The following PLA2G2F variants were observed in gnomAD, a reference collection of about 807,000 sequenced individuals.
PLA2G2F encodes phospholipase A2 group IIF, also known as group IIF secretory phospholipase A2.
In PLA2G2F, 17 loss-of-function variants were observed where a neutral mutation model predicts 15.9. The ratio of observed to expected loss-of-function variants is 1.07; its 90% CI spans 0.73 to 1.60. The LOEUF (loss-of-function observed/expected upper bound fraction) is 1.60. Ranked by LOEUF, PLA2G2F falls within the 40% of genes most tolerant of loss-of-function variation. PLA2G2F has a pLI of 0.00. For synonymous variants in PLA2G2F, 119 were observed against 106.5 expected, an observed-to-expected ratio of 1.12 and a Z score of -0.72; for missense variants, 299 against 278.2, an observed-to-expected ratio of 1.07 and a Z score of -0.53.
At chr1:20,144,481 T>C (rs1467290104) in intron 3 of PLA2G2F, 99 bp from the exon 4 acceptor site, 4 of 869,446 alleles carry the variant, frequency 4.6e-6, no homozygotes, top group East Asian at 2.7e-5. Flanking sequence ...GTTCGAACGT[T>C]TGACCTGCGA....
Position 20,148,183 on chromosome 1 carries a change from C to T in PLA2G2F, c.425-7C>T. On this transcript the variant is annotated splice_polypyrimidine_tract_variant and splice_region_variant and intron_variant, in intron 4 of 4. Transcript: ENST00000375102. ...TCCACAGCCTTTGCCACCCCATCCCCCTGTAGGTGACCTCAACAAGACAGA... is the reference window on the plus strand; with the variant it reads ...TCCACAGCCTTTGCCACCCCATCCCTCTGTAGGTGACCTCAACAAGACAGA... The T allele has an allele frequency of 6.2e-7, 1 of 1,613,580 alleles. No individual in the cohort carries two copies. The highest frequency in any genetic ancestry group is 8.5e-7 in the Non-Finnish European group (1 of 1,179,560).
rs528792094 is a variant in PLA2G2F at position 20,148,897 on chromosome 1, G to A, written c.*496G>A. 671 of 166,816 alleles carry A rather than the reference G, an allele frequency of 4.0e-3. 4 individuals carry two copies. The highest frequency in any genetic ancestry group is 5.9e-3 in the Non-Finnish European group (452 of 76,170). The allele number at this position is 166,816 out of a possible 1,614,324, so 10.3% of individuals were successfully genotyped here. A position where few individuals can be genotyped will look rare whatever the true frequency, so the allele number is the denominator to read the frequency against. ...CAGCTGATCCCACAGGATGGCCTGG[G>A]GTGGTGGCTACTTTGGGCTTGAAGC... On this transcript the variant is annotated 3_prime_UTR_variant, in exon 5 of 5. Coordinates refer to ENST00000375102, the MANE Select transcript of PLA2G2F (RefSeq NM_022819.4).
chr1:20,143,286 C>T, intron 2 of PLA2G2F, 160 bp from the exon 3 acceptor site: 1 of 863,888 alleles, frequency 1.2e-6, no homozygotes, highest in East Asian at 2.6e-5. Flanking sequence ...GGCTTAGCTG[C>T]CCACGCTTCT....
At position 20,148,370 on chromosome 1, in the gene PLA2G2F, A is replaced by T; in HGVS notation, c.605A>T (p.His202Leu). The T allele has an allele frequency of 6.2e-7, 1 of 1,613,450 alleles. No individual in the cohort carries two copies. The highest frequency in any genetic ancestry group is 8.5e-7 in the Non-Finnish European group (1 of 1,179,772). ...CCCCCTGAGGAGGTCACCTGCAGTC[A>T]CCAATCCCCAGCGCCCCCCGCCCCT... ...EPPPEEVTCS[H>L]QSPAPPAPP The change falls in exon 5 of 5, where the codon CAC becomes CTC. Residue 202 changes from histidine to leucine, a missense_variant. Physicochemically the swap from His to Leu is moderately conservative, Grantham distance 99. Coordinates refer to ENST00000375102, the MANE Select transcript of PLA2G2F (RefSeq NM_022819.4).
At chr1:20,139,774 G>A (rs1446963648) in intron 1 of PLA2G2F, among the ~76,000 whole-genome samples, 1 of 152,230 alleles carries the variant, frequency 6.6e-6, no homozygotes, top group Non-Finnish European at 1.5e-5. Context: ...GCGGTGCTGG[G>A]ACTGGAATCC....
chr1:20,148,351 G>A lies in PLA2G2F; in HGVS notation c.586G>A (p.Glu196Lys), dbSNP rs375422237. 7.0e-5 allele frequency: 113 copies of A among 1,613,890 alleles called. No individual in the cohort carries two copies. The highest frequency in any genetic ancestry group is 9.2e-5 in the Non-Finnish European group (108 of 1,179,996). The change falls in exon 5 of 5, where the codon GAG becomes AAG. Residue 196 changes from glutamate (E) to lysine (K), a missense_variant. Transcript: ENST00000375102. ...PNCSIYEPPP[E>K]EVTCSHQSPA... Reference sequence around the variant, plus strand: ...CTGCAGCATCTATGAACCGCCCCCTGAGGAGGTCACCTGCAGTCACCAATC... The same window carrying A: ...CTGCAGCATCTATGAACCGCCCCCTAAGGAGGTCACCTGCAGTCACCAATC...
intron 4 of PLA2G2F, among the ~76,000 whole-genome samples, chr1:20,146,134 G>A (rs1466349307): frequency 1.3e-5 from 2 of 152,214 alleles, no homozygotes; most frequent in African/African-American, 4.8e-5. Context: ...CGGCTCCCCA[G>A]ATGGTTCTGA....
chr1:20,141,653 G>A (rs2017477003), intron 2 of PLA2G2F: 1 of 152,480 alleles, frequency 6.6e-6, no homozygotes, highest in African/African-American at 2.4e-5. Flanking sequence ...CAAGGCCAGG[G>A]GCAGATGGGG....
intron 4 of PLA2G2F, among the ~76,000 whole-genome samples, chr1:20,145,795 A>G (rs1268983566): frequency 6.6e-6 from 1 of 151,676 alleles, no homozygotes; most frequent in African/African-American, 2.4e-5. Flanking sequence ...TTTTTTGTGG[A>G]GATGGGGGTC....
intron 2 of PLA2G2F, 30 bp from the exon 3 acceptor site, chr1:20,143,416 G>T (rs553811950): frequency 1.2e-6 from 2 of 1,605,900 alleles, no homozygotes; most frequent in South Asian, 2.2e-5. Context: ...CCGGGGCAGG[G>T]GCTCAGAGCA....
In PLA2G2F at chr1:20,144,613, A is replaced by G; in HGVS notation, c.348A>G (p.Glu116=). Residue 116 remains glutamate, a synonymous_variant, in exon 4 of 5, where the codon GAA becomes GAG. Coordinates refer to ENST00000375102, the MANE Select transcript of PLA2G2F (RefSeq NM_022819.4). ...CCHAHDCCYQ[E]LFDQGCHPYV... is the part of the protein sequence containing the mutation. Reference sequence around the variant, plus strand: ...ACGCCCACGACTGCTGCTACCAGGAACTCTTTGACCAAGGCTGTCACCCCT... The same window carrying G: ...ACGCCCACGACTGCTGCTACCAGGAGCTCTTTGACCAAGGCTGTCACCCCT... The G allele has an allele frequency of 6.2e-7, 1 of 1,612,158 alleles. No individual in the cohort carries two copies. The highest frequency in any genetic ancestry group is 8.5e-7 in the Non-Finnish European group (1 of 1,179,264).
At chr1:20,148,039 G>GC in intron 4 of PLA2G2F, 151 bp from the exon 5 acceptor site, 1 of 671,124 alleles carries the variant, frequency 1.5e-6, no homozygotes, top group East Asian at 2.7e-5. Context: ...GTGGGGTGGG[G>GC]CCCGTGGGTG....
At chr1:20,146,345 G>A (rs1033232387) in intron 4 of PLA2G2F, among the ~76,000 whole-genome samples, 12 of 152,158 alleles carry the variant, frequency 7.9e-5, no homozygotes, top group South Asian at 2.1e-4. Context: ...TCTGTCACTC[G>A]GACCCCACCT....
intron 4 of PLA2G2F, among the ~76,000 whole-genome samples, chr1:20,145,498 T>C (rs1280200790): frequency 6.6e-6 from 1 of 152,010 alleles, no homozygotes; most frequent in Non-Finnish European, 1.5e-5. Flanking sequence ...GCTAGGATGG[T>C]CTTGATCTCT....
At chr1:20,144,970 G>T (rs927030586) in intron 4 of PLA2G2F, among the ~76,000 whole-genome samples, 4 of 152,170 alleles carry the variant, frequency 2.6e-5, no homozygotes, top group African/African-American at 9.6e-5. Flanking sequence ...CCAGCTGCTG[G>T]AGAGGCTGAG....
chr1:20,147,287 T>C (rs1343434118), intron 4 of PLA2G2F, among the ~76,000 whole-genome samples: 1 of 152,158 alleles, frequency 6.6e-6, no homozygotes, highest in Non-Finnish European at 1.5e-5. Flanking sequence ...CAGCTGATTC[T>C]ATTGTGCACC....
At position 20,144,595 on chromosome 1, in the gene PLA2G2F, C is replaced by T. The variant is rs367845696; in HGVS notation, c.330C>T (p.His110=). 8.6e-5 allele frequency: 139 copies of T among 1,610,782 alleles called. No homozygotes were observed. The highest frequency in any genetic ancestry group is 1.7e-4 in the Admixed American group (10 of 59,598). Residue 110 remains histidine (H), a synonymous_variant, in exon 4 of 5, where the codon CAC becomes CAT. Transcript: ENST00000375102. Reference sequence around the variant, plus strand: ...CGCTCCCTAGGTGCTGCCACGCCCACGACTGCTGCTACCAGGAACTCTTTG... The same window carrying T: ...CGCTCCCTAGGTGCTGCCACGCCCATGACTGCTGCTACCAGGAACTCTTTG... The part of the protein sequence containing the change: ...KDEVDWCCHA[H]DCCYQELFDQ...
intron 4 of PLA2G2F, 134 bp from the exon 5 acceptor site, chr1:20,148,056 G>A: frequency 1.3e-6 from 1 of 744,724 alleles, no homozygotes; most frequent in South Asian, 1.6e-5. Flanking sequence ...GGTGGTGCTG[G>A]TCCTGCCGCC....
At chr1:20,140,363 G>A (rs549145749) in intron 2 of PLA2G2F, 145 bp downstream of exon 2, 159 of 844,190 alleles carry the variant, frequency 1.9e-4, no homozygotes, top group Middle Eastern at 6.9e-4. Flanking sequence ...AGCCCAGCAG[G>A]CTGCACCCAA....
Sources: allele counts gnomAD v4.1 joint callset (sites outside exome capture counted in the v4.1 genomes callset), GRCh38; gene constraint gnomAD v4.1.1; transcripts MANE v1.5; gene names NCBI Gene and HGNC (gene_info 2026-07-23, HGNC 2026-07-21).